The following UGP2 variants were observed in gnomAD, a reference collection of about 807,000 sequenced individuals.
UGP2 encodes the protein UTP--glucose-1-phosphate uridylyltransferase.
A neutral mutation model predicts 49.0 loss-of-function variants in UGP2; 40 were observed. The observed-to-expected ratio is 0.82, with a 90% CI of 0.63 to 1.06. The LOEUF (loss-of-function observed/expected upper bound fraction) is 1.06. Among genes scored for constraint, UGP2 ranks in the 50% least tolerant of loss-of-function variants. The probability of loss-of-function intolerance (pLI) is 0.00; values close to 1 mark genes in which losing one functional copy is unlikely to be tolerated. For synonymous variants in UGP2, 225 were observed against 213.0 expected (o/e 1.06, Z -0.49); for missense variants, 460 against 603.5 (o/e 0.76, Z 2.49).
At chr2:63,875,613 T>C (rs1670856948) in intron 3 of UGP2, among the ~76,000 whole-genome samples, 1 of 152,234 alleles carries the variant, frequency 6.6e-6, no homozygotes, top group South Asian at 2.1e-4. Flanking sequence ...GGCTGAATGT[T>C]GTTTAGAGCG....
intron 3 of UGP2, among the ~76,000 whole-genome samples, chr2:63,869,301 CTG>C (rs1306256375): frequency 6.6e-6 from 1 of 152,164 alleles, no homozygotes; most frequent in African/African-American, 2.4e-5. Context: ...GCCAATCTCA[CTG>C]TATTTATTAA....
intron 8 of UGP2, chr2:63,889,639 T>C (rs1671941491): frequency 6.5e-6 from 1 of 153,512 alleles, no homozygotes; most frequent in South Asian, 2.0e-4. Context: ...ACAAAGATGG[T>C]GATAACATAA....
chr2:63,868,178 C>T (rs931941406), intron 3 of UGP2, among the ~76,000 whole-genome samples: 5 of 152,064 alleles, frequency 3.3e-5, no homozygotes, highest in African/African-American at 7.2e-5. Flanking sequence ...ATTAAGTACC[C>T]GTTTTCATAT....
intron 3 of UGP2, among the ~76,000 whole-genome samples, chr2:63,868,793 G>T (rs187924190): frequency 1.3e-5 from 2 of 152,112 alleles, no homozygotes; most frequent in East Asian, 3.9e-4. Context: ...AGCCAACATG[G>T]TGAAACCCCA....
At chr2:63,863,280 C>T (rs941644164) in intron 3 of UGP2, among the ~76,000 whole-genome samples, 2 of 152,130 alleles carry the variant, frequency 1.3e-5, no homozygotes, top group African/African-American at 4.8e-5. Context: ...GGTACCTTCT[C>T]TTCATAGGTA....
At chr2:63,886,686 TC>T (rs896423157) in intron 7 of UGP2, 148 bp downstream of exon 7, 32 of 893,882 alleles carry the variant, frequency 3.6e-5, no homozygotes, top group Non-Finnish European at 5.0e-5. Context: ...AGCCCTGTCT[TC>T]CAGAATCTGC....
chr2:63,856,204 G>T, intron 1 of UGP2, 102 bp from the exon 2 acceptor site: 1 of 1,423,500 alleles, frequency 7.0e-7, no homozygotes, highest in Non-Finnish European at 9.5e-7. Flanking sequence ...TTGGGATTGA[G>T]CCCTTTTCAT....
chr2:63,876,236 A>G (rs1236348057), intron 3 of UGP2, among the ~76,000 whole-genome samples: 2 of 152,054 alleles, frequency 1.3e-5, no homozygotes, highest in African/African-American at 4.8e-5. Context: ...CTCTGCTGAT[A>G]ATAGGGTGAT....
chr2:63,885,254 A>G (rs1286495220), intron 5 of UGP2, among the ~76,000 whole-genome samples: 1 of 152,128 alleles, frequency 6.6e-6, no homozygotes, highest in Non-Finnish European at 1.5e-5. Context: ...GGAAAAGAAC[A>G]ATCTCACAAC....
At chr2:63,867,577 A>C (rs1670266190) in intron 3 of UGP2, among the ~76,000 whole-genome samples, 1 of 152,332 alleles carries the variant, frequency 6.6e-6, no homozygotes, top group East Asian at 1.9e-4. Context: ...TATGCTGGGC[A>C]CAGTAAAAAC....
intron 3 of UGP2, among the ~76,000 whole-genome samples, chr2:63,861,630 G>C (rs111882608): frequency 0.01 from 1,439 of 142,296 alleles, 11 homozygotes; most frequent in Non-Finnish European, 0.015. Context: ...TGAGGCTACA[G>C]TAAGCTATGA....
intron 3 of UGP2, among the ~76,000 whole-genome samples, chr2:63,868,555 A>G (rs1404589864): frequency 1.3e-5 from 2 of 152,196 alleles, no homozygotes; most frequent in South Asian, 2.1e-4. Flanking sequence ...CGTGTAATGA[A>G]TATAAAACTT....
In UGP2 at chr2:63,891,176, A is replaced by G. The variant is rs763398375; in HGVS notation, c.1476A>G (p.Ala492=). The G allele has an allele frequency of 8.1e-6, 13 of 1,613,778 alleles. No individual in the cohort carries two copies. Among genetic ancestry groups the G allele is most frequent in the Non-Finnish European group, 1.1e-5 (13 of 1,179,890 alleles). The change falls in exon 10 of 10, where the codon GCA becomes GCG. Residue 492 remains alanine, a synonymous_variant. Transcript: ENST00000337130. The part of the protein sequence containing the change: ...HGDRIDIPPG[A]VLENKIVSGN... ...ACAGAATTGATATCCCACCTGGAGCAGTATTAGAGAACAAGATTGTGTCTG... is the reference window on the plus strand; with the variant it reads ...ACAGAATTGATATCCCACCTGGAGCGGTATTAGAGAACAAGATTGTGTCTG...
chr2:63,861,026 G>C (rs1669804235), intron 3 of UGP2, among the ~76,000 whole-genome samples: 2 of 152,026 alleles, frequency 1.3e-5, no homozygotes, highest in Middle Eastern at 3.4e-3. Flanking sequence ...GAAGTCTTTT[G>C]AGTTCATGTT....
At chr2:63,856,239 T>C in intron 1 of UGP2, 67 bp from the exon 2 acceptor site, 5 of 1,564,454 alleles carry the variant, frequency 3.2e-6, no homozygotes, top group South Asian at 1.2e-5. Flanking sequence ...AAATCAGTTA[T>C]AGCTTACCAG....
chr2:63,873,543 C>T (rs541580461), intron 3 of UGP2, among the ~76,000 whole-genome samples: 3 of 152,040 alleles, frequency 2.0e-5, no homozygotes, highest in Non-Finnish European at 2.9e-5. Context: ...CGCAAGTACC[C>T]GTTGGCTCAT....
chr2:63,862,634 G>A (rs1053310070), intron 3 of UGP2, among the ~76,000 whole-genome samples: 1 of 152,026 alleles, frequency 6.6e-6, no homozygotes, highest in Non-Finnish European at 1.5e-5. Context: ...GTTGGACCAG[G>A]GTCTCTAACT....
rs781040908 is a variant in UGP2, at chr2:63,885,859, C to A, written c.846C>A (p.Val282=). The A allele has an allele frequency of 2.5e-6, 4 of 1,595,222 alleles. No individual in the cohort carries two copies. Among genetic ancestry groups the A allele is most frequent in the Middle Eastern group, 1.7e-4 (1 of 5,968 alleles). The change falls in exon 6 of 10, where the codon GTC becomes GTA. Residue 282 remains valine (V), a synonymous_variant. Coordinates refer to ENST00000337130, the MANE Select transcript of UGP2 (RefSeq NM_006759.4). ...NGKRCEFVME[V]TNKTRADVKG... Reference sequence around the variant, plus strand: ...AACGCTGTGAATTTGTCATGGAAGTCACAAATAAAACACGTGCAGATGTAA... The same window carrying A: ...AACGCTGTGAATTTGTCATGGAAGTAACAAATAAAACACGTGCAGATGTAA...
At chr2:63,865,163 T>C (rs1260208473) in intron 3 of UGP2, among the ~76,000 whole-genome samples, 1 of 152,184 alleles carries the variant, frequency 6.6e-6, no homozygotes, top group East Asian at 1.9e-4. Flanking sequence ...ATTTTAATTA[T>C]TGGGAATGCA....
Sources: allele counts gnomAD v4.1 joint callset (sites outside exome capture counted in the v4.1 genomes callset), GRCh38; gene constraint gnomAD v4.1.1; transcripts MANE v1.5; gene names NCBI Gene and HGNC (gene_info 2026-07-23, HGNC 2026-07-21).